Variants in CSMD2 observed in about 807,000 individuals in gnomAD.
CSMD2 encodes CUB and sushi domain-containing protein 2.
In CSMD2, 130 loss-of-function variants were observed where a neutral mutation model predicts 398.5. The observed-to-expected ratio is 0.33, with a 90% confidence interval of 0.28 to 0.38. The LOEUF (loss-of-function observed/expected upper bound fraction) is 0.38, where lower values mean the gene tolerates loss of function less well. Ranked by LOEUF, CSMD2 falls within the 10% of genes least tolerant of loss-of-function variation. CSMD2 has a pLI of 1.00. For synonymous variants in CSMD2, 1,828 were observed against 1,908.5 expected, an observed-to-expected ratio of 0.96 and a Z score of 1.10; for missense variants, 3,829 against 4,764.9, an observed-to-expected ratio of 0.80 and a Z score of 5.78.
chr1:33,611,438 A>G (rs888865803), intron 40 of CSMD2, among the ~76,000 whole-genome samples, 188 bp from the exon 41 acceptor site: 1 of 152,180 alleles, frequency 6.6e-6, no homozygotes, highest in Non-Finnish European at 1.5e-5. Flanking sequence ...ACAGGGCTGA[A>G]CTTAAAAGTG....
At chr1:33,899,229 C>T (rs182663603) in intron 5 of CSMD2, among the ~76,000 whole-genome samples, 444 of 152,330 alleles carry the variant, frequency 2.9e-3, no homozygotes, top group Non-Finnish European at 5.2e-3. Flanking sequence ...GCCAAGGCCT[C>T]GATGAGCCTG....
intron 7 of CSMD2, 125 bp downstream of exon 7, chr1:33,825,572 A>C: frequency 5.8e-6 from 5 of 862,162 alleles, no homozygotes; most frequent in Non-Finnish European, 9.3e-6. Context: ...CGCAGAGCCC[A>C]GGATGGAGGA....
chr1:33,854,831 A>C (rs1184685533), intron 5 of CSMD2, among the ~76,000 whole-genome samples: 1 of 152,142 alleles, frequency 6.6e-6, no homozygotes, highest in Non-Finnish European at 1.5e-5. Flanking sequence ...TGAGGCTTGG[A>C]GTGCTGAGGA....
chr1:33,954,405 TG>T (rs1033204552), intron 3 of CSMD2, among the ~76,000 whole-genome samples: 1 of 149,006 alleles, frequency 6.7e-6, no homozygotes, highest in African/African-American at 2.5e-5. Context: ...CTGTTGGTGG[TG>T]GGGGGAGGGA....
intron 3 of CSMD2, among the ~76,000 whole-genome samples, chr1:34,007,780 T>G (rs1647105851): frequency 6.6e-6 from 1 of 152,202 alleles, no homozygotes. Flanking sequence ...TGCACTAATA[T>G]GCACATATAT....
intron 64 of CSMD2, among the ~76,000 whole-genome samples, chr1:33,532,019 C>T (rs1655280253): frequency 6.6e-6 from 1 of 152,192 alleles, no homozygotes; most frequent in African/African-American, 2.4e-5. Context: ...CTTTATATCA[C>T]TACTGTATGT....
intron 2 of CSMD2, among the ~76,000 whole-genome samples, chr1:34,082,910 TAC>T (rs1315298366): frequency 1.3e-5 from 2 of 152,052 alleles, no homozygotes; most frequent in Admixed American, 6.5e-5. Flanking sequence ...TAATCTCAAG[TAC>T]CCAGGGACAC....
chr1:33,607,635 T>G, intron 41 of CSMD2, among the ~76,000 whole-genome samples: 1 of 151,670 alleles, frequency 6.6e-6, no homozygotes, highest in Admixed American at 6.6e-5. Flanking sequence ...GCCCAAGAGG[T>G]TGGGATCGCC....
At position 33,550,218 on chromosome 1, in the gene CSMD2, C is replaced by G. The variant is rs775668873; in HGVS notation, c.8876G>C (p.Gly2959Ala). ...TLVGNSTRMCGLDGHWTGSLP... is the reference protein window; with the variant it reads ...TLVGNSTRMCALDGHWTGSLP... ...GGAGCCAGTCCAGTGTCCATCCAGC[C>G]CACACATGCGGGTGCTGTTTCCCAC... Residue 2959 changes from glycine to alanine, a missense_variant, in exon 56 of 71, where the codon GGG becomes GCG. By Grantham distance (60) the Gly-to-Ala change is moderately conservative. This residue lies in a region of CSMD2 where 917 missense variants were observed against 1,199.5 expected (regional missense o/e 0.76). Transcript: ENST00000373381. 12 of 1,614,078 alleles carry G rather than the reference C, an allele frequency of 7.4e-6. No homozygotes were observed. Among genetic ancestry groups the G allele is most frequent in the African/African-American group, 2.7e-5 (2 of 74,928 alleles).
intron 10 of CSMD2, among the ~76,000 whole-genome samples, chr1:33,800,684 C>T (rs1453113117): frequency 6.6e-6 from 1 of 152,110 alleles, no homozygotes; most frequent in Non-Finnish European, 1.5e-5. Context: ...AGGAGGGGCA[C>T]AAAATCCTGG....
intron 15 of CSMD2, among the ~76,000 whole-genome samples, chr1:33,730,165 G>A (rs930721699): frequency 6.6e-6 from 1 of 152,164 alleles, no homozygotes; most frequent in Non-Finnish European, 1.5e-5. Context: ...ATCATGGAGT[G>A]GTTCCCAGAC....
At chr1:33,681,127 T>C in intron 25 of CSMD2, among the ~76,000 whole-genome samples, 1 of 151,954 alleles carries the variant, frequency 6.6e-6, no homozygotes, top group Non-Finnish European at 1.5e-5. Context: ...TTTAGCTGGG[T>C]TGACCATGCT....
At chr1:34,067,719 C>T (rs140348893) in intron 2 of CSMD2, among the ~76,000 whole-genome samples, 2 of 152,294 alleles carry the variant, frequency 1.3e-5, no homozygotes, top group East Asian at 3.9e-4. Context: ...AAATCAGGGA[C>T]CCCCTATGAA....
intron 6 of CSMD2, among the ~76,000 whole-genome samples, chr1:33,835,915 T>C (rs1424033638): frequency 1.3e-5 from 2 of 152,212 alleles, no homozygotes; most frequent in Non-Finnish European, 1.5e-5. Flanking sequence ...AGGAGCTGTG[T>C]TCCTTTGGAG....
At chr1:33,745,491 A>T (rs1334742267) in intron 13 of CSMD2, among the ~76,000 whole-genome samples, 1 of 152,226 alleles carries the variant, frequency 6.6e-6, no homozygotes, top group Admixed American at 6.5e-5. Flanking sequence ...AAAGGTAATG[A>T]TGCTAAGATG....
chr1:33,543,013 C>T, intron 57 of CSMD2, 117 bp from the exon 58 acceptor site: 5 of 718,294 alleles, frequency 7.0e-6, no homozygotes, highest in Non-Finnish European at 1.1e-5. Flanking sequence ...GATAGAAATG[C>T]CTCTCATGCT....
intron 44 of CSMD2, chr1:33,592,434 G>C (rs971953724): frequency 1.5e-5 from 11 of 716,326 alleles, no homozygotes; most frequent in African/African-American, 1.2e-4. Context: ...TCTGTGGCTG[G>C]GGGGCAGATG....
chr1:33,865,394 T>A (rs1639949938), intron 5 of CSMD2, among the ~76,000 whole-genome samples: 2 of 116,482 alleles, frequency 1.7e-5, no homozygotes, highest in Admixed American at 9.2e-5. Flanking sequence ...AGGGGCAGAT[T>A]TTACCAAAAA....
intron 5 of CSMD2, among the ~76,000 whole-genome samples, chr1:33,893,378 G>C (rs975557374): frequency 5.9e-5 from 9 of 152,196 alleles, no homozygotes; most frequent in African/African-American, 2.2e-4. Flanking sequence ...CCAGATCCTG[G>C]CCTCTTCCCA....
Sources: allele counts gnomAD v4.1 joint callset (sites outside exome capture counted in the v4.1 genomes callset), GRCh38; gene constraint gnomAD v4.1.1; regional missense constraint gnomAD v4.1.1; transcripts MANE v1.5; gene names NCBI Gene and HGNC (gene_info 2026-07-23, HGNC 2026-07-21).